The following ARMC9 variants were observed in gnomAD, a reference collection of about 807,000 sequenced individuals.
ARMC9 encodes armadillo repeat containing 9.
In ARMC9, 94 loss-of-function variants were observed where a neutral mutation model predicts 107.0. The observed-to-expected ratio is 0.88, with a 90% CI of 0.74 to 1.04. The LOEUF is 1.04. Ranked by LOEUF, ARMC9 falls within the 50% of genes least tolerant of loss-of-function variation. ARMC9 has a pLI of 0.00. For missense variants in ARMC9, 942 were observed against 1,030.1 expected, an observed-to-expected ratio of 0.91 and a Z score of 1.17; for synonymous variants, 380 against 396.9, an observed-to-expected ratio of 0.96 and a Z score of 0.51.
chr2:231,286,923 G>C (rs1469064193), intron 17 of ARMC9, among the ~76,000 whole-genome samples: 1 of 152,192 alleles, frequency 6.6e-6, no homozygotes, highest in Non-Finnish European at 1.5e-5. Context: ...AAGGCCTGGG[G>C]CTGGAGAAGA....
chr2:231,264,172 C>G (rs990091461), intron 12 of ARMC9, among the ~76,000 whole-genome samples: 1 of 152,064 alleles, frequency 6.6e-6, no homozygotes, highest in Non-Finnish European at 1.5e-5. Flanking sequence ...TATGTAGTTG[C>G]TATGGTTTAC....
intron 19 of ARMC9, among the ~76,000 whole-genome samples, chr2:231,323,166 G>A (rs990505113): frequency 6.6e-6 from 1 of 152,046 alleles, no homozygotes; most frequent in Non-Finnish European, 1.5e-5. Flanking sequence ...TCCAACGTGA[G>A]CTACAGAGCA....
intron 1 of ARMC9, among the ~76,000 whole-genome samples, chr2:231,201,928 C>T (rs1300272997): frequency 2.7e-5 from 4 of 147,444 alleles, no homozygotes; most frequent in Non-Finnish European, 6.0e-5. Context: ...ACCCTCCCTT[C>T]CGTTCCCACT....
intron 18 of ARMC9, chr2:231,295,530 A>G (rs2041300616): frequency 6.6e-6 from 1 of 152,276 alleles, no homozygotes; most frequent in African/African-American, 2.4e-5. Context: ...CCTACCGACA[A>G]CCCTGAGAAG....
At position 231,256,293 on chromosome 2, in the gene ARMC9, G is replaced by A. The variant is rs1001481323; in HGVS notation, c.880-293G>A. The A allele has an allele frequency of 2.4e-5, 37 of 1,554,592 alleles. No homozygotes were observed. In the Admixed American group the frequency reaches 3.3e-4, roughly 14 times the overall value. ...CTTTTGGAGTCAGAGCGAGAAGCCC[G>A]GAGGTTGCGCTGAGCTTGCTTGCTC... On this transcript the variant is annotated intron_variant, in intron 9 of 24. Coordinates refer to ENST00000611582, the MANE Select transcript of ARMC9 (RefSeq NM_001352754.2).
intron 9 of ARMC9, among the ~76,000 whole-genome samples, chr2:231,243,127 G>A (rs2036449436): frequency 6.6e-6 from 1 of 152,044 alleles, no homozygotes; most frequent in South Asian, 2.1e-4. Context: ...GGCACCTGTA[G>A]TCCCAGCTAC....
intron 8 of ARMC9, among the ~76,000 whole-genome samples, chr2:231,238,553 A>G (rs1299856546): frequency 4.6e-5 from 7 of 152,120 alleles, no homozygotes; most frequent in Admixed American, 4.6e-4. Flanking sequence ...GTATTTCACT[A>G]TGTTACCCAG....
Position 231,262,410 on chromosome 2 carries a change from G to T in ARMC9, c.1119+12G>T, listed in dbSNP as rs1419695547. On this transcript the variant is annotated intron_variant, in intron 12 of 24. Transcript: ENST00000611582. ...ATAGCCACAACCAGGTTGGTAAGAG[G>T]TGGGGCCAGATCCCAGCCAGGGCCT... 6.2e-7 allele frequency: 1 copy of T among 1,610,838 alleles called. No individual in the cohort carries two copies. Among genetic ancestry groups the T allele is most frequent in the South Asian group, 1.1e-5 (1 of 91,006 alleles).
At position 231,206,208 on chromosome 2, in the gene ARMC9, T is replaced by G. The variant is rs146897446; in HGVS notation, c.-31T>G. On this transcript the variant is annotated 5_prime_UTR_variant, in exon 2 of 25. Transcript: ENST00000611582. Reference sequence around the variant, plus strand: ...ATTTTTGCCTTCTAGAGATTTTTGCTGTGAGAATTAATTACCAGTAACAGT... The same window carrying G: ...ATTTTTGCCTTCTAGAGATTTTTGCGGTGAGAATTAATTACCAGTAACAGT... 7.8e-5 allele frequency: 125 copies of G among 1,600,718 alleles called. 1 individual carries two copies. In the East Asian group the frequency reaches 2.8e-3, roughly 35 times the overall value.
At position 231,360,604 on chromosome 2, in the gene ARMC9, A is replaced by C. The variant is rs2125593613; in HGVS notation, c.2132-150A>C. 7.8e-7 allele frequency: 1 copy of C among 1,281,814 alleles called. No homozygotes were observed. Among genetic ancestry groups the C allele is most frequent in the Middle Eastern group, 2.5e-4 (1 of 4,068 alleles). The allele number at this position is 1,281,814 out of a possible 1,614,324, so 79.4% of individuals were successfully genotyped here. On this transcript the variant is annotated intron_variant, in intron 22 of 24. Coordinates refer to ENST00000611582, the MANE Select transcript of ARMC9 (RefSeq NM_001352754.2). This position sits in a 1 kb window ranked among gnomAD's most constrained non-coding sequence, Gnocchi z 4.7. Reference sequence around the variant, plus strand: ...GCAAGTTCCCGGGCTGCACGAGTAAACAAGTATCCCAAGCCACAGGCGCCA... The same window carrying C: ...GCAAGTTCCCGGGCTGCACGAGTAACCAAGTATCCCAAGCCACAGGCGCCA...
rs1007496799 is a variant in ARMC9, at chr2:231,202,102, C to T, written c.-42+3404C>T. Among the ~76,000 whole-genome samples the T allele has an allele frequency of 4.6e-5, 7 of 151,206 alleles. No homozygotes were observed. In the South Asian group the frequency reaches 6.2e-4, roughly 13 times the overall value. On this transcript the variant is annotated intron_variant, in intron 1 of 24. Transcript: ENST00000611582. ...GCAACCTCCACTTCCTGGGTTCAAG[C>T]GATTCTCCTGCCTCAGCTTCCAGAG...
intron 22 of ARMC9, 77 bp downstream of exon 22, chr2:231,356,011 G>A (rs945453525): frequency 1.4e-6 from 2 of 1,467,632 alleles, no homozygotes; most frequent in Non-Finnish European, 1.8e-6. Context: ...CAGCAGGAGT[G>A]GCAGACGCAC....
At chr2:231,325,632 T>G (rs1351742247) in intron 19 of ARMC9, among the ~76,000 whole-genome samples, 1 of 152,058 alleles carries the variant, frequency 6.6e-6, no homozygotes, top group Non-Finnish European at 1.5e-5. Flanking sequence ...AGCTGCTGCT[T>G]TGGTTCACAA....
chr2:231,376,196 A>G lies in ARMC9; in HGVS notation c.*4661A>G, dbSNP rs935261641. Among the ~76,000 whole-genome samples, 1 of 152,226 alleles carries G rather than the reference A, an allele frequency of 6.6e-6. No individual in the cohort carries two copies. Among genetic ancestry groups the G allele is most frequent in the African/African-American group, 2.4e-5 (1 of 41,450 alleles). ...ATTGTACAGCATGTGTGTTTGCGCA[A>G]TATGAAATCTGAGCACCTTGAAAAA... On this transcript the variant is annotated 3_prime_UTR_variant, in exon 25 of 25. Coordinates refer to ENST00000611582, the MANE Select transcript of ARMC9 (RefSeq NM_001352754.2).
intron 19 of ARMC9, 58 bp from the exon 20 acceptor site, chr2:231,331,735 C>A: frequency 1.4e-6 from 2 of 1,478,842 alleles, no homozygotes; most frequent in South Asian, 1.2e-5. Context: ...TGGGGAGCCA[C>A]GCCTTGGGAG....
intron 3 of ARMC9, among the ~76,000 whole-genome samples, chr2:231,213,148 T>A (rs1043635822): frequency 1.3e-5 from 2 of 151,350 alleles, no homozygotes; most frequent in Admixed American, 1.3e-4. Context: ...AGGAAAATTA[T>A]CTGTAAACGT....
At chr2:231,254,224 T>C (rs2037552032) in intron 9 of ARMC9, among the ~76,000 whole-genome samples, 1 of 152,174 alleles carries the variant, frequency 6.6e-6, no homozygotes, top group East Asian at 1.9e-4. Context: ...TGAGGTAGGG[T>C]AGACCTTCTT....
At chr2:231,348,164 G>A (rs557854064) in intron 21 of ARMC9, among the ~76,000 whole-genome samples, 1 of 152,336 alleles carries the variant, frequency 6.6e-6, no homozygotes, top group South Asian at 2.1e-4. Flanking sequence ...TAAGGATCTA[G>A]AGATGGATGA....
chr2:231,261,814 G>T (rs570637566), intron 11 of ARMC9, among the ~76,000 whole-genome samples: 206 of 151,818 alleles, frequency 1.4e-3, no homozygotes, highest in African/African-American at 4.5e-3. Flanking sequence ...CACCCATTAG[G>T]ACATCACAGG....
Sources: allele counts gnomAD v4.1 joint callset (sites outside exome capture counted in the v4.1 genomes callset), GRCh38; gene constraint gnomAD v4.1.1; non-coding constraint Gnocchi (gnomAD v3.1); transcripts MANE v1.5; gene names NCBI Gene and HGNC (gene_info 2026-07-23, HGNC 2026-07-21).